Variants in BMAL2 observed in about 807,000 individuals in gnomAD.
BMAL2 encodes the protein basic helix-loop-helix ARNT like 2.
chr12:27,411,185 C>T, the BMAL2 span, among the ~76,000 whole-genome samples: 1 of 151,966 alleles, frequency 6.6e-6, no homozygotes, highest in Admixed American at 6.6e-5. Flanking sequence ...TGGAGTGCAG[C>T]GGTGCGATCA....
chr12:27,387,111 ACT>A, the BMAL2 span: 2 of 692,308 alleles, frequency 2.9e-6, no homozygotes, highest in East Asian at 2.8e-5. Flanking sequence ...CTCCATGACT[ACT>A]CTGTTAGTTT....
At chr12:27,375,705 A>G in the BMAL2 span, among the ~76,000 whole-genome samples, 1 of 152,364 alleles carries the variant, frequency 6.6e-6, no homozygotes, top group Non-Finnish European at 1.5e-5. Flanking sequence ...TTAAGATTAC[A>G]TATTTTTAAA....
chr12:27,397,938 A>C, the BMAL2 span, among the ~76,000 whole-genome samples: 1 of 152,224 alleles, frequency 6.6e-6, no homozygotes, highest in Admixed American at 6.5e-5. Context: ...CCCAGCACCC[A>C]CTACTGCGGA....
the BMAL2 span, among the ~76,000 whole-genome samples, chr12:27,411,462 A>C: frequency 6.6e-6 from 1 of 150,384 alleles, no homozygotes; most frequent in African/African-American, 2.4e-5. Flanking sequence ...AAAAAAAAAA[A>C]GAGAGATTAG....
the BMAL2 span, among the ~76,000 whole-genome samples, chr12:27,392,813 CTT>C: frequency 6.6e-6 from 1 of 152,168 alleles, no homozygotes; most frequent in Non-Finnish European, 1.5e-5. Context: ...ATTGAATTGT[CTT>C]TCCTCCTGGG....
the BMAL2 span, among the ~76,000 whole-genome samples, chr12:27,345,575 A>G: frequency 6.6e-6 from 1 of 152,170 alleles, no homozygotes; most frequent in Non-Finnish European, 1.5e-5. Flanking sequence ...TGCAGCCTCC[A>G]CGCCTTGGGC....
At chr12:27,372,092 A>G in the BMAL2 span, among the ~76,000 whole-genome samples, 1 of 152,200 alleles carries the variant, frequency 6.6e-6, no homozygotes, top group East Asian at 1.9e-4. Context: ...TTAGCCAGGC[A>G]TGGCGGCATG....
chr12:27,389,809 T>A, the BMAL2 span: 40 of 254,272 alleles, frequency 1.6e-4, no homozygotes, highest in Admixed American at 2.0e-3. Flanking sequence ...TTTCATTTTT[T>A]AATTTAATTT....
chr12:27,417,902 A>C, the BMAL2 span, among the ~76,000 whole-genome samples: 2 of 152,178 alleles, frequency 1.3e-5, no homozygotes, highest in East Asian at 3.8e-4. Flanking sequence ...CTGAGGCAAG[A>C]GAATTGCCTG....
chr12:27,332,844 G>GGGCGGCT, the BMAL2 span: 2 of 177,336 alleles, frequency 1.1e-5, no homozygotes, highest in African/African-American at 4.8e-5. Context: ...CCAGAGCGGC[G>GGGCGGCT]GGCGGCTGGC....
the BMAL2 span, among the ~76,000 whole-genome samples, chr12:27,392,598 C>G: frequency 7.6e-6 from 1 of 131,926 alleles, no homozygotes; most frequent in African/African-American, 2.9e-5. Context: ...TGAACCAACA[C>G]TGTGTTGGTT....
the BMAL2 span, among the ~76,000 whole-genome samples, chr12:27,408,698 G>A: frequency 4.6e-5 from 7 of 152,082 alleles, no homozygotes; most frequent in African/African-American, 1.2e-4. Flanking sequence ...CAGGGATGCC[G>A]TCTCTCACCA....
chr12:27,357,157 T>G, the BMAL2 span, among the ~76,000 whole-genome samples: 1 of 152,228 alleles, frequency 6.6e-6, no homozygotes. Context: ...TCTTGATTGA[T>G]GGGCATTTGT....
At chr12:27,398,359 A>T in the BMAL2 span, among the ~76,000 whole-genome samples, 1 of 152,302 alleles carries the variant, frequency 6.6e-6, no homozygotes, top group African/African-American at 2.4e-5. Flanking sequence ...GGAGTAGATG[A>T]CACTTGAATC....
At chr12:27,410,472 A>C in the BMAL2 span, among the ~76,000 whole-genome samples, 2 of 152,308 alleles carry the variant, frequency 1.3e-5, no homozygotes, top group Admixed American at 1.3e-4. Flanking sequence ...GGAAACCATC[A>C]TTCTCAGCAA....
the BMAL2 span, among the ~76,000 whole-genome samples, chr12:27,350,994 C>CCCCCCCTT: frequency 2.8e-4 from 26 of 94,286 alleles, no homozygotes; most frequent in African/African-American, 4.3e-4. Context: ...CCCACCCCCC[C>CCCCCCCTT]TTTTTTTTTT....
At chr12:27,333,776 G>T in the BMAL2 span, among the ~76,000 whole-genome samples, 1 of 152,366 alleles carries the variant, frequency 6.6e-6, no homozygotes, top group South Asian at 2.1e-4. Context: ...AGTGGAGTTA[G>T]CTTGTTCGAT....
chr12:27,367,140 A>G, the BMAL2 span, among the ~76,000 whole-genome samples: 2 of 152,232 alleles, frequency 1.3e-5, no homozygotes, highest in African/African-American at 4.8e-5. Flanking sequence ...ATATGCCAGC[A>G]TCATTACTCT....
At chr12:27,359,461 C>A in the BMAL2 span, among the ~76,000 whole-genome samples, 1 of 152,150 alleles carries the variant, frequency 6.6e-6, no homozygotes, top group Admixed American at 6.5e-5. Context: ...GGCTGAGGAT[C>A]GCTTGAGCCC....
Sources: allele counts gnomAD v4.1 joint callset (sites outside exome capture counted in the v4.1 genomes callset), GRCh38; gene constraint gnomAD v4.1.1; transcripts MANE v1.5; gene names NCBI Gene and HGNC (gene_info 2026-07-23, HGNC 2026-07-21).